TAF8: variants seen among roughly 807,000 people sequenced by gnomAD.
TAF8 encodes the protein TATA-box binding protein associated factor 8.
TAF8 carries 47 observed loss-of-function variants against 36.5 expected under a neutral mutation model. The observed-to-expected ratio is 1.29, with a 90% CI of 1.02 to 1.64. The LOEUF (loss-of-function observed/expected upper bound fraction) is 1.64. Ranked by LOEUF, TAF8 falls within the 40% of genes most tolerant of loss-of-function variation. The pLI, the probability that TAF8 is intolerant of heterozygous loss-of-function variation, is 0.00. For synonymous variants in TAF8, 175 were observed against 159.5 expected (o/e 1.10, Z -0.73); for missense variants, 420 against 407.6 (o/e 1.03, Z -0.26).
chr6:42,078,627 G>A lies in TAF8; in HGVS notation c.*1082G>A, dbSNP rs1179337933. 13 of 985,410 alleles carry A rather than the reference G, an allele frequency of 1.3e-5. No individual in the cohort carries two copies. Among genetic ancestry groups the A allele is most frequent in the Non-Finnish European group, 1.6e-5 (13 of 829,930 alleles). 61.0% of individuals were successfully genotyped at this position (985,410 alleles called of 1,614,324 possible). ...ATGTCGGGGCTGCACCTGTCCTCCC[G>A]TCGGCATTTGACGAAAGCTCCCTGA... On this transcript the variant is annotated 3_prime_UTR_variant, in exon 9 of 9. Transcript: ENST00000372977.
At chr6:42,051,060 A>G in intron 1 of TAF8, 1 of 1,104,674 alleles carries the variant, frequency 9.1e-7, no homozygotes, top group Non-Finnish European at 1.1e-6. Context: ...TAATCCCATC[A>G]TGCGTGTTTC....
intron 6 of TAF8, among the ~76,000 whole-genome samples, chr6:42,068,123 C>T (rs1270436794): frequency 6.6e-6 from 1 of 152,196 alleles, no homozygotes; most frequent in African/African-American, 2.4e-5. Flanking sequence ...AGGATTCTAT[C>T]TATAGCCTCA....
intron 5 of TAF8, among the ~76,000 whole-genome samples, chr6:42,059,165 T>C (rs963350304): frequency 1.1e-4 from 16 of 151,812 alleles, no homozygotes; most frequent in Non-Finnish European, 1.8e-4. Flanking sequence ...GGGGGGATCA[T>C]GAGGTCAGGA....
chr6:42,083,530 TGATA>T (rs953375387), downstream of TAF8, among the ~76,000 whole-genome samples: 2 of 152,200 alleles, frequency 1.3e-5, no homozygotes, highest in Non-Finnish European at 2.9e-5. Context: ...TTTGCTACTC[TGATA>T]GATAGAACAC....
chr6:42,055,663 C>A, intron 3 of TAF8, 34 bp downstream of exon 3: 1 of 1,496,562 alleles, frequency 6.7e-7, no homozygotes, highest in Non-Finnish European at 9.3e-7. Flanking sequence ...TTCTTCGATG[C>A]AACTGGGAGA....
At position 42,079,439 on chromosome 6, in the gene TAF8, C is replaced by T. The variant is rs1765854502; in HGVS notation, c.*1894C>T. ...GTCTCCTAAGGAAGAGTTTTTAAAA[C>T]TAAATCCAAGGAAGAAAAATGTAAC... On this transcript the variant is annotated 3_prime_UTR_variant, in exon 9 of 9. Coordinates refer to ENST00000372977, the MANE Select transcript of TAF8 (RefSeq NM_138572.3). 1 of 985,288 alleles carries T rather than the reference C, an allele frequency of 1.0e-6. No individual in the cohort carries two copies. The highest frequency in any genetic ancestry group is 6.2e-5 in the Admixed American group (1 of 16,252). 61.0% of individuals were successfully genotyped at this position (985,288 alleles called of 1,614,324 possible).
intron 8 of TAF8, 85 bp from the exon 9 acceptor site, chr6:42,077,448 C>G: frequency 6.3e-7 from 1 of 1,583,350 alleles, no homozygotes; most frequent in Non-Finnish European, 8.6e-7. Flanking sequence ...AGGGACCAAC[C>G]CTCACAGCAC....
At chr6:42,051,326 TG>T (rs1764773903) in intron 1 of TAF8, 30 bp from the exon 2 acceptor site, 33 of 1,599,144 alleles carry the variant, frequency 2.1e-5, no homozygotes, top group Non-Finnish European at 2.7e-5. Flanking sequence ...ATCCTTCTCC[TG>T]TGGATGAAAA....
intron 6 of TAF8, among the ~76,000 whole-genome samples, chr6:42,067,094 T>G (rs1765392065): frequency 6.6e-6 from 1 of 152,204 alleles, no homozygotes; most frequent in Non-Finnish European, 1.5e-5. Context: ...ATAGGAACCC[T>G]TCAATGAGGC....
In TAF8 at chr6:42,079,617, T is replaced by C; in HGVS notation, c.*2072T>C. 1 of 963,684 alleles carries C rather than the reference T, an allele frequency of 1.0e-6. No individual in the cohort carries two copies. Among genetic ancestry groups the C allele is most frequent in the Non-Finnish European group, 1.2e-6 (1 of 810,412 alleles). 59.7% of individuals were successfully genotyped at this position (963,684 alleles called of 1,614,324 possible). Reference sequence around the variant, plus strand: ...TCGCTGTGTCGCCCCAGCTGGAGTATAGTGGCACTACCTCGGCTCACTGCA... The same window carrying C: ...TCGCTGTGTCGCCCCAGCTGGAGTACAGTGGCACTACCTCGGCTCACTGCA... On this transcript the variant is annotated 3_prime_UTR_variant, in exon 9 of 9. Transcript: ENST00000372977.
intron 7 of TAF8, among the ~76,000 whole-genome samples, chr6:42,073,503 A>T (rs1433772299): frequency 6.6e-6 from 1 of 152,170 alleles, no homozygotes; most frequent in African/African-American, 2.4e-5. Flanking sequence ...ATCCAGGGTG[A>T]GGAGGAGTCT....
In TAF8 at chr6:42,057,706, G is replaced by C. The variant is rs530893622; in HGVS notation, c.489+193G>C. 29 of 667,730 alleles carry C rather than the reference G, an allele frequency of 4.3e-5. No homozygotes were observed. The East Asian group carries it at 8.5e-4, about 19-fold the overall frequency. The allele number at this position is 667,730 out of a possible 1,614,324, so 41.4% of individuals were successfully genotyped here. A position where few individuals can be genotyped will look rare whatever the true frequency, so the allele number is the denominator to read the frequency against. ...AGGCCGAGGCAGGAGGATCACTTGAGCCTGGGAGTTCAAGACCAGCCTGGG... is the reference window on the plus strand; with the variant it reads ...AGGCCGAGGCAGGAGGATCACTTGACCCTGGGAGTTCAAGACCAGCCTGGG... On this transcript the variant is annotated intron_variant, in intron 5 of 8. Transcript: ENST00000372977.
chr6:42,068,750 G>A, intron 7 of TAF8, 143 bp downstream of exon 7: 1 of 942,876 alleles, frequency 1.1e-6, no homozygotes, highest in Non-Finnish European at 1.6e-6. Context: ...CTTGCGTGAT[G>A]ATCCAGATGT....
chr6:42,057,775 A>AC, intron 5 of TAF8: 33 of 303,500 alleles, frequency 1.1e-4, no homozygotes, highest in South Asian at 2.4e-4. Flanking sequence ...AAATAAATAA[A>AC]GAAAAAAAAA....
chr6:42,081,860 T>G lies in TAF8; in HGVS notation c.*4315T>G, dbSNP rs6936467. The G allele has an allele frequency of 0.38, 58,314 of 152,074 alleles. 12,897 individuals are homozygous for G. Among genetic ancestry groups the G allele is most frequent in the Admixed American group, 0.48 (7,266 of 15,262 alleles). The allele number at this position is 152,074 out of a possible 1,614,324, so 9.4% of individuals were successfully genotyped here. ...AGACCTGTGTCATTTAATCTAAATG[T>G]GTCTATACGTATCTCTGATTGATCT... is the stretch of plus-strand genomic sequence containing the variant. On this transcript the variant is annotated 3_prime_UTR_variant, in exon 9 of 9. Coordinates refer to ENST00000372977, the MANE Select transcript of TAF8 (RefSeq NM_138572.3).
chr6:42,057,820 T>C (rs541136903), intron 5 of TAF8: 250 of 378,386 alleles, frequency 6.6e-4, no homozygotes, highest in Middle Eastern at 2.1e-3. Context: ...TGAGAAACAA[T>C]TTGGCAAATG....
At chr6:42,086,473 C>A (rs895936306), downstream of TAF8, among the ~76,000 whole-genome samples, 2 of 152,196 alleles carry the variant, frequency 1.3e-5, no homozygotes, top group Admixed American at 1.3e-4. Context: ...GCCGGGAGCA[C>A]CGTGGCCACC....
chr6:42,056,104 G>A (rs1764978626), intron 4 of TAF8, 90 bp downstream of exon 4: 5 of 859,696 alleles, frequency 5.8e-6, no homozygotes, highest in Middle Eastern at 2.2e-4. Context: ...TGGATTAGTA[G>A]CTACTTCCTT....
intron 7 of TAF8, among the ~76,000 whole-genome samples, chr6:42,069,568 G>A (rs917502037): frequency 6.6e-6 from 1 of 152,186 alleles, no homozygotes; most frequent in East Asian, 1.9e-4. Context: ...AACAACCACC[G>A]GGTAGAACAG....
Sources: allele counts gnomAD v4.1 joint callset (sites outside exome capture counted in the v4.1 genomes callset), GRCh38; gene constraint gnomAD v4.1.1; transcripts MANE v1.5; gene names NCBI Gene and HGNC (gene_info 2026-07-23, HGNC 2026-07-21).